The following ELP4 variants were observed in gnomAD, a reference collection of about 807,000 sequenced individuals.
ELP4 encodes elongator acetyltransferase complex subunit 4, also known as elongator complex protein 4.
ELP4 carries 51 observed loss-of-function variants against 48.9 expected under a neutral mutation model. The observed-to-expected ratio is 1.04, with a 90% CI of 0.83 to 1.32. The LOEUF is 1.32. ELP4 is among the 40% of genes most tolerant of loss of function. The pLI, the probability that ELP4 is intolerant of heterozygous loss-of-function variation, is 0.00. For synonymous variants in ELP4, 210 were observed against 189.2 expected (o/e 1.11, Z -0.90); for missense variants, 519 against 514.6 (o/e 1.01, Z -0.08).
intron 5 of ELP4, among the ~76,000 whole-genome samples, chr11:31,615,857 C>T (rs1158544476): frequency 6.6e-6 from 1 of 152,010 alleles, no homozygotes; most frequent in Non-Finnish European, 1.5e-5. Flanking sequence ...AGTCATCCCA[C>T]CCAATCACCT....
intron 9 of ELP4, among the ~76,000 whole-genome samples, chr11:31,743,163 A>G (rs892048631): frequency 6.6e-6 from 1 of 152,202 alleles, no homozygotes; most frequent in Non-Finnish European, 1.5e-5. Context: ...CCATTACATA[A>G]TGGTAAAGGG....
chr11:31,513,215 T>C (rs199948104), intron 1 of ELP4, among the ~76,000 whole-genome samples: 76 of 152,308 alleles, frequency 5.0e-4, no homozygotes, highest in East Asian at 1.4e-3. Context: ...AAAATGTATT[T>C]TTTATTGCTA....
At chr11:31,680,425 C>G (rs867552225) in intron 9 of ELP4, among the ~76,000 whole-genome samples, 2 of 152,054 alleles carry the variant, frequency 1.3e-5, no homozygotes, top group Non-Finnish European at 2.9e-5. Context: ...CAAATTTACC[C>G]TAGAGCATTG....
At chr11:31,551,020 A>G (rs1264674467) in intron 3 of ELP4, among the ~76,000 whole-genome samples, 1 of 152,176 alleles carries the variant, frequency 6.6e-6, no homozygotes, top group East Asian at 1.9e-4. Flanking sequence ...TTTGTTGAAG[A>G]AATCCTTCAG....
At chr11:31,575,697 A>G (rs557931918) in intron 3 of ELP4, among the ~76,000 whole-genome samples, 27 of 152,364 alleles carry the variant, frequency 1.8e-4, no homozygotes, top group South Asian at 1.2e-3. Flanking sequence ...ACTAAGCTTC[A>G]TAAGTGAAGG....
intron 1 of ELP4, among the ~76,000 whole-genome samples, chr11:31,512,778 C>T (rs939142322): frequency 2.7e-5 from 4 of 150,592 alleles, no homozygotes; most frequent in Admixed American, 1.3e-4. Flanking sequence ...GGCAGAAATG[C>T]CCCCTGCCCT....
Position 31,590,548 on chromosome 11 carries a change from A to G in ELP4, c.382-4222A>G, listed in dbSNP as rs556337660. 6.6e-5 allele frequency among the ~76,000 whole-genome samples: 10 copies of G among 152,328 alleles called. No individual in the cohort carries two copies. The East Asian group carries it at 1.5e-3, about 23-fold the overall frequency. On this transcript the variant is annotated intron_variant, in intron 3 of 9. Coordinates refer to ENST00000640961, the MANE Select transcript of ELP4 (RefSeq NM_019040.5). ...ACCAGAAGCACAAGCAGCAAAAGAA[A>G]GAAACAGATAAGTTGGGTGTATTCG...
intron 3 of ELP4, among the ~76,000 whole-genome samples, chr11:31,588,976 C>G (rs1024312621): frequency 2.0e-5 from 3 of 152,088 alleles, no homozygotes; most frequent in Non-Finnish European, 4.4e-5. Context: ...GAGTGAGACT[C>G]TGTCTCAAAA....
intron 9 of ELP4, among the ~76,000 whole-genome samples, chr11:31,768,150 TATTA>T (rs1948076705): frequency 6.6e-6 from 1 of 152,186 alleles, no homozygotes; most frequent in Non-Finnish European, 1.5e-5. Flanking sequence ...TTACCAAAGC[TATTA>T]ATTAGCAATT....
intron 3 of ELP4, among the ~76,000 whole-genome samples, chr11:31,568,625 T>C (rs781294423): frequency 1.3e-5 from 2 of 152,022 alleles, no homozygotes; most frequent in Non-Finnish European, 2.9e-5. Flanking sequence ...AATAAAGCCA[T>C]ACACTGACAA....
chr11:31,698,532 C>T (rs1013823698), intron 9 of ELP4, among the ~76,000 whole-genome samples: 1 of 152,078 alleles, frequency 6.6e-6, no homozygotes, highest in Non-Finnish European at 1.5e-5. Flanking sequence ...CCCTCCTTAG[C>T]CTCCCGAGTA....
Position 31,741,397 on chromosome 11 carries a change from A to G in ELP4, c.1144-41996A>G, listed in dbSNP as rs546790808. The stretch of plus-strand genomic sequence containing the variant: ...CCTGTCTGACAGCTTTGAAGAGAGC[A>G]GTGGTTCTCCCAGCACGCAGCTTGA... On this transcript the variant is annotated intron_variant, in intron 9 of 9. Coordinates refer to ENST00000640961, the MANE Select transcript of ELP4 (RefSeq NM_019040.5). Among the ~76,000 whole-genome samples the G allele has an allele frequency of 6.0e-4, 92 of 152,326 alleles. 1 individual carries two copies. Among genetic ancestry groups the G allele is most frequent in the African/African-American group, 2.1e-3 (88 of 41,578 alleles).
intron 3 of ELP4, among the ~76,000 whole-genome samples, chr11:31,592,304 G>A (rs1957593925): frequency 6.6e-6 from 1 of 152,048 alleles, no homozygotes; most frequent in Admixed American, 6.6e-5. Context: ...AGCACTTTGG[G>A]AGGCCGAGGC....
chr11:31,691,469 T>C (rs1393511489), intron 9 of ELP4, among the ~76,000 whole-genome samples: 1 of 151,986 alleles, frequency 6.6e-6, no homozygotes, highest in Non-Finnish European at 1.5e-5. Flanking sequence ...GATTAATGTT[T>C]TGTGGATGAG....
chr11:31,666,920 G>A (rs1454289350), intron 9 of ELP4, among the ~76,000 whole-genome samples: 2 of 152,086 alleles, frequency 1.3e-5, no homozygotes, highest in African/African-American at 4.8e-5. Flanking sequence ...CCTGAAAAAA[G>A]AGAAATCTGA....
At chr11:31,721,393 A>G (rs1299568555) in intron 9 of ELP4, among the ~76,000 whole-genome samples, 2 of 152,236 alleles carry the variant, frequency 1.3e-5, no homozygotes, top group East Asian at 3.8e-4. Flanking sequence ...TTATAAGATC[A>G]TGTAATATAA....
chr11:31,716,955 A>T (rs1946854017), intron 9 of ELP4, among the ~76,000 whole-genome samples: 1 of 152,252 alleles, frequency 6.6e-6, no homozygotes, highest in Admixed American at 6.5e-5. Context: ...GACTAGAATA[A>T]TGGATGAGAT....
At chr11:31,702,732 TA>T (rs531120300) in intron 9 of ELP4, among the ~76,000 whole-genome samples, 5 of 152,186 alleles carry the variant, frequency 3.3e-5, no homozygotes, top group Non-Finnish European at 5.9e-5. Context: ...ATTCTGGCTA[TA>T]AAAAATCTCT....
At chr11:31,515,975 G>T (rs1263928151) in intron 1 of ELP4, among the ~76,000 whole-genome samples, 1 of 152,086 alleles carries the variant, frequency 6.6e-6, no homozygotes, top group Admixed American at 6.5e-5. Context: ...GCCGGGTGTA[G>T]TGGGAGGTGC....
Sources: allele counts gnomAD v4.1 joint callset (sites outside exome capture counted in the v4.1 genomes callset), GRCh38; gene constraint gnomAD v4.1.1; transcripts MANE v1.5; gene names NCBI Gene and HGNC (gene_info 2026-07-23, HGNC 2026-07-21).